The following ANKMY2 variants were observed in gnomAD, a reference collection of about 807,000 sequenced individuals.
The protein encoded by ANKMY2 is ankyrin repeat and MYND domain-containing protein 2.
Under a neutral mutation model 50.4 loss-of-function variants are expected in ANKMY2, and 36 were observed. That is an observed-to-expected ratio of 0.71 (90% confidence interval 0.55 to 0.94). The LOEUF (loss-of-function observed/expected upper bound fraction) is 0.94. Among genes scored for constraint, ANKMY2 ranks in the 40% least tolerant of loss-of-function variants. The probability of loss-of-function intolerance (pLI) is 0.00; values close to 1 mark genes in which losing one functional copy is unlikely to be tolerated. For missense variants in ANKMY2, 565 were observed against 524.0 expected (o/e 1.08, Z -0.76); for synonymous variants, 187 against 178.8 (o/e 1.05, Z -0.36).
intron 2 of ANKMY2, among the ~76,000 whole-genome samples, chr7:16,628,531 G>A (rs908301166): frequency 6.6e-6 from 1 of 151,974 alleles, no homozygotes; most frequent in Non-Finnish European, 1.5e-5. Context: ...GGGTGGGTGT[G>A]GGTAAATCTC....
intron 4 of ANKMY2, among the ~76,000 whole-genome samples, 199 bp from the exon 5 acceptor site, chr7:16,616,103 A>C (rs1442202340): frequency 6.6e-6 from 1 of 152,230 alleles, no homozygotes; most frequent in Non-Finnish European, 1.5e-5. Flanking sequence ...AAAGTTGATA[A>C]ACAATCTTTG....
At chr7:16,603,556 C>T in intron 8 of ANKMY2, 1 of 463,788 alleles carries the variant, frequency 2.2e-6, no homozygotes, top group South Asian at 1.6e-5. Context: ...TACTGTATGC[C>T]AAGCACTGTG....
At chr7:16,633,369 T>C (rs906778487) in intron 2 of ANKMY2, among the ~76,000 whole-genome samples, 2 of 152,104 alleles carry the variant, frequency 1.3e-5, no homozygotes, top group African/African-American at 4.8e-5. Flanking sequence ...TTTTAATAAT[T>C]TCATGAACTG....
At chr7:16,629,259 G>C (rs1471156780) in intron 2 of ANKMY2, among the ~76,000 whole-genome samples, 1 of 152,212 alleles carries the variant, frequency 6.6e-6, no homozygotes, top group Non-Finnish European at 1.5e-5. Context: ...GTATCGGCCA[G>C]GCACAGTGGC....
At chr7:16,612,815 G>A (rs1378000333) in intron 5 of ANKMY2, among the ~76,000 whole-genome samples, 1 of 151,946 alleles carries the variant, frequency 6.6e-6, no homozygotes, top group Non-Finnish European at 1.5e-5. Flanking sequence ...CTTAATCTCT[G>A]CAGCATTATG....
At chr7:16,617,404 G>A (rs1041881194) in intron 4 of ANKMY2, among the ~76,000 whole-genome samples, 3 of 152,036 alleles carry the variant, frequency 2.0e-5, no homozygotes, top group African/African-American at 7.2e-5. Flanking sequence ...TGACTTCCTG[G>A]GAGGTACAGA....
At chr7:16,622,301 C>T (rs930046284) in intron 4 of ANKMY2, among the ~76,000 whole-genome samples, 1 of 152,112 alleles carries the variant, frequency 6.6e-6, no homozygotes, top group Non-Finnish European at 1.5e-5. Context: ...TGCTTAATTT[C>T]ATAAATAATG....
intron 4 of ANKMY2, among the ~76,000 whole-genome samples, chr7:16,624,105 C>A (rs1781477325): frequency 6.6e-6 from 1 of 152,114 alleles, no homozygotes; most frequent in African/African-American, 2.4e-5. Context: ...TGCTATTACC[C>A]TTTAAGTGCC....
intron 8 of ANKMY2, among the ~76,000 whole-genome samples, chr7:16,602,716 G>A (rs532429335): frequency 2.0e-5 from 3 of 152,288 alleles, no homozygotes; most frequent in Admixed American, 1.3e-4. Flanking sequence ...GGGGCCTAGT[G>A]GGAGGTGATA....
intron 1 of ANKMY2, among the ~76,000 whole-genome samples, chr7:16,644,319 C>A (rs1781785392): frequency 6.6e-6 from 1 of 152,220 alleles, no homozygotes; most frequent in African/African-American, 2.4e-5. Context: ...AAGAACACAT[C>A]ATTGATAGAT....
At chr7:16,611,607 G>C (rs1045278628) in intron 5 of ANKMY2, among the ~76,000 whole-genome samples, 11 of 152,172 alleles carry the variant, frequency 7.2e-5, no homozygotes, top group Non-Finnish European at 1.2e-4. Context: ...GAGAATAGGG[G>C]TGGGTCCTTG....
intron 1 of ANKMY2, 41 bp from the exon 2 acceptor site, chr7:16,636,496 C>G (rs1204742866): frequency 1.4e-6 from 2 of 1,462,206 alleles, no homozygotes; most frequent in Admixed American, 2.1e-5. Flanking sequence ...TTATTCGTCA[C>G]TAGAATAAGA....
At chr7:16,621,161 C>T (rs1781429562) in intron 4 of ANKMY2, among the ~76,000 whole-genome samples, 1 of 152,044 alleles carries the variant, frequency 6.6e-6, no homozygotes, top group Admixed American at 6.6e-5. Context: ...TCTTTATTAT[C>T]CATAACCAGC....
intron 7 of ANKMY2, among the ~76,000 whole-genome samples, chr7:16,607,989 C>A (rs1371460597): frequency 6.6e-6 from 1 of 152,134 alleles, no homozygotes; most frequent in Non-Finnish European, 1.5e-5. Context: ...CTTTGCTCTT[C>A]CTGCCTGCCT....
intron 2 of ANKMY2, among the ~76,000 whole-genome samples, chr7:16,630,929 G>C (rs1781573689): frequency 2.0e-5 from 3 of 152,162 alleles, no homozygotes; most frequent in African/African-American, 7.2e-5. Flanking sequence ...TTTGTGCTGT[G>C]TTCAAGGATC....
chr7:16,612,483 G>A (rs1781270542), intron 5 of ANKMY2, among the ~76,000 whole-genome samples: 1 of 152,078 alleles, frequency 6.6e-6, no homozygotes, highest in Non-Finnish European at 1.5e-5. Context: ...AATTTATGGT[G>A]GAGAAGAAAA....
intron 3 of ANKMY2, among the ~76,000 whole-genome samples, chr7:16,625,759 C>A (rs1213389815): frequency 6.6e-6 from 1 of 152,178 alleles, no homozygotes; most frequent in Admixed American, 6.5e-5. Flanking sequence ...GACTGACATG[C>A]ACTCCCCCAA....
intron 4 of ANKMY2, among the ~76,000 whole-genome samples, chr7:16,621,278 C>A (rs1370066410): frequency 1.3e-5 from 2 of 152,040 alleles, no homozygotes; most frequent in Non-Finnish European, 2.9e-5. Flanking sequence ...TATGAAGGAA[C>A]CAATTAAATA....
intron 2 of ANKMY2, among the ~76,000 whole-genome samples, chr7:16,631,842 T>A (rs1039701895): frequency 6.6e-6 from 1 of 152,114 alleles, no homozygotes; most frequent in Non-Finnish European, 1.5e-5. Flanking sequence ...CTCGAACTCC[T>A]GACCTCAGGT....
Sources: allele counts gnomAD v4.1 joint callset (sites outside exome capture counted in the v4.1 genomes callset), GRCh38; gene constraint gnomAD v4.1.1; transcripts MANE v1.5; gene names NCBI Gene and HGNC (gene_info 2026-07-23, HGNC 2026-07-21).